CACNA1B: variants seen among roughly 807,000 people sequenced by gnomAD.
The protein encoded by CACNA1B is calcium voltage-gated channel subunit alpha1 B, also known as voltage-dependent N-type calcium channel subunit alpha-1B.
A neutral mutation model predicts 247.2 loss-of-function variants in CACNA1B; 70 were observed. The ratio of observed to expected loss-of-function variants is 0.28; its 90% CI spans 0.23 to 0.35. The LOEUF (loss-of-function observed/expected upper bound fraction) is 0.35, where lower values mean the gene tolerates loss of function less well. CACNA1B is among the 10% of genes least tolerant of loss of function. The probability of loss-of-function intolerance (pLI) is 1.00; values close to 1 mark genes in which losing one functional copy is unlikely to be tolerated. For missense variants in CACNA1B, 2,367 were observed against 3,197.4 expected, an observed-to-expected ratio of 0.74 and a Z score of 6.26; for synonymous variants, 1,231 against 1,294.4, an observed-to-expected ratio of 0.95 and a Z score of 1.05.
chr9:137,907,874 G>A (rs1957315264), intron 3 of CACNA1B, among the ~76,000 whole-genome samples: 1 of 152,140 alleles, frequency 6.6e-6, no homozygotes, highest in Non-Finnish European at 1.5e-5. Context: ...ATGTGTGAGT[G>A]ATGCTTCCTC....
At chr9:138,024,610 A>G (rs1958897374) in intron 19 of CACNA1B, among the ~76,000 whole-genome samples, 1 of 152,148 alleles carries the variant, frequency 6.6e-6, no homozygotes, top group East Asian at 1.9e-4. Flanking sequence ...GTTTTGGTTG[A>G]TAGGATTTTG....
chr9:138,104,029 G>C (rs1166594954), intron 38 of CACNA1B, among the ~76,000 whole-genome samples: 1 of 152,250 alleles, frequency 6.6e-6, no homozygotes, highest in Admixed American at 6.5e-5. Context: ...GGGGCAAGCA[G>C]GCAGGGCCAT....
chr9:137,903,658 A>G (rs1957265131), intron 3 of CACNA1B, among the ~76,000 whole-genome samples: 1 of 152,216 alleles, frequency 6.6e-6, no homozygotes, highest in Non-Finnish European at 1.5e-5. Context: ...GAATCTATAA[A>G]TTGATTTCAG....
At chr9:138,094,127 A>G (rs1564283213) in intron 36 of CACNA1B, among the ~76,000 whole-genome samples, 1 of 152,122 alleles carries the variant, frequency 6.6e-6, no homozygotes, top group Non-Finnish European at 1.5e-5. Flanking sequence ...TACAATGTGA[A>G]TAAACCTTGA....
Position 138,014,646 on chromosome 9 carries a change from T to C in CACNA1B, c.2267+1411T>C, listed in dbSNP as rs1958767358. Among the ~76,000 whole-genome samples the C allele has an allele frequency of 6.6e-6, 1 of 152,188 alleles. No individual in the cohort carries two copies. The highest frequency in any genetic ancestry group is 1.5e-5 in the Non-Finnish European group (1 of 68,038). The stretch of plus-strand genomic sequence containing the variant: ...CTCTGTGAGCTCTGCAGGTGGGTGG[T>C]CTGCAGTAGATGGGGCGAGTGGTGT... On this transcript the variant is annotated intron_variant, in intron 18 of 46. Coordinates refer to ENST00000371372, the MANE Select transcript of CACNA1B (RefSeq NM_000718.4). This position sits in a 1 kb window ranked among gnomAD's most constrained non-coding sequence, Gnocchi z 6.2.
chr9:137,982,405 C>T (rs1185055374), intron 12 of CACNA1B, among the ~76,000 whole-genome samples: 1 of 152,198 alleles, frequency 6.6e-6, no homozygotes, highest in Non-Finnish European at 1.5e-5. Flanking sequence ...TTAAGAGTTC[C>T]CAAGACAGAA....
chr9:137,968,234 G>A (rs575429564), intron 10 of CACNA1B, among the ~76,000 whole-genome samples: 4 of 152,260 alleles, frequency 2.6e-5, no homozygotes, highest in East Asian at 3.9e-4. Flanking sequence ...GGGAGGAGAC[G>A]AAGCCGTGCT....
intron 10 of CACNA1B, among the ~76,000 whole-genome samples, chr9:137,962,273 CT>C (rs917185463): frequency 8.8e-5 from 12 of 135,734 alleles, no homozygotes; most frequent in African/African-American, 3.0e-4. Context: ...TCTCTCTTCT[CT>C]TTTTTTTTAG....
intron 20 of CACNA1B, among the ~76,000 whole-genome samples, chr9:138,035,033 C>T (rs1054454929): frequency 6.6e-6 from 1 of 152,238 alleles, no homozygotes; most frequent in Non-Finnish European, 1.5e-5. Flanking sequence ...CATCATGGTA[C>T]TTAGAACAGC....
In CACNA1B at chr9:137,878,228, G is replaced by A. The variant is rs1302362427; in HGVS notation, c.284+11G>A. On this transcript the variant is annotated intron_variant, in intron 1 of 46. Coordinates refer to ENST00000371372, the MANE Select transcript of CACNA1B (RefSeq NM_000718.4). ...CATCACCGAGTGGCCATATCCTGCC[G>A]GGCGGGGCCGGGCGGGGCCGGGCGG... 1.2e-5 allele frequency: 14 copies of A among 1,172,598 alleles called. No homozygotes were observed. Among genetic ancestry groups the A allele is most frequent in the Admixed American group, 4.2e-5 (1 of 24,076 alleles). The allele number at this position is 1,172,598 out of a possible 1,614,324, so 72.6% of individuals were successfully genotyped here.
chr9:138,113,110 A>G (rs143223392), intron 40 of CACNA1B, among the ~76,000 whole-genome samples: 78 of 137,494 alleles, frequency 5.7e-4, no homozygotes, highest in African/African-American at 2.2e-3. Flanking sequence ...GAGGTGCCCA[A>G]CTCCATCTTG....
rs1018540779 is a variant in CACNA1B, at chr9:137,881,306, G to A, written c.391-1438G>A. On this transcript the variant is annotated intron_variant, in intron 2 of 46. Coordinates refer to ENST00000371372, the MANE Select transcript of CACNA1B (RefSeq NM_000718.4). This position sits in a 1 kb window ranked among gnomAD's most constrained non-coding sequence, Gnocchi z 4.3. Reference sequence around the variant, plus strand: ...CTTGGGTGCTGGTAGCTTCTACCAGGTACTGCCAGCCAAGCCTTGGGCCAG... The same window carrying A: ...CTTGGGTGCTGGTAGCTTCTACCAGATACTGCCAGCCAAGCCTTGGGCCAG... 1.3e-5 allele frequency among the ~76,000 whole-genome samples: 2 copies of A among 152,164 alleles called. No homozygotes were observed. Among genetic ancestry groups the A allele is most frequent in the Admixed American group, 6.5e-5 (1 of 15,278 alleles).
Position 137,882,968 on chromosome 9 carries a change from AGCTGCAGTCCCCTCACTGGGGTCCCC to A in CACNA1B, c.530+86_530+111del. ...CTCAGTTGCGCCGTGGAGCTGGGGC[AGCTGCAGTCCCCTCACTGGGGTCCCC>A]TCACAGCCCTGCTGGAGATGAACGA... On this transcript the variant is annotated intron_variant, in intron 3 of 46. Transcript: ENST00000371372. The surrounding 1 kb of genome is among the most constrained non-coding windows in gnomAD (Gnocchi z 4.0). 6.9e-7 allele frequency: 1 copy of A among 1,454,618 alleles called. No individual in the cohort carries two copies. Among genetic ancestry groups the A allele is most frequent in the Non-Finnish European group, 9.5e-7 (1 of 1,047,198 alleles). The allele number at this position is 1,454,618 out of a possible 1,614,324, so 90.1% of individuals were successfully genotyped here. A position where few individuals can be genotyped will look rare whatever the true frequency, so the allele number is the denominator to read the frequency against.
At chr9:137,932,898 CTTTAT>C (rs1159869869) in intron 6 of CACNA1B, among the ~76,000 whole-genome samples, 1 of 151,144 alleles carries the variant, frequency 6.6e-6, no homozygotes, top group African/African-American at 2.5e-5. Flanking sequence ...GCATTGATGA[CTTTAT>C]TTTATCTTTA....
chr9:138,026,125 C>T lies in CACNA1B; in HGVS notation c.3286+953C>T, dbSNP rs146726268. ...ATGTTTGCAGACAGATCTCCAGACACACACATGTGCATGACATTCTCTCTT... is the reference window on the plus strand; with the variant it reads ...ATGTTTGCAGACAGATCTCCAGACATACACATGTGCATGACATTCTCTCTT... On this transcript the variant is annotated intron_variant, in intron 20 of 46. Coordinates refer to ENST00000371372, the MANE Select transcript of CACNA1B (RefSeq NM_000718.4). 3.9e-5 allele frequency among the ~76,000 whole-genome samples: 6 copies of T among 152,356 alleles called. No homozygotes were observed. The East Asian group carries it at 1.2e-3, about 29-fold the overall frequency.
At chr9:138,008,406 G>T (rs1958681557) in intron 16 of CACNA1B, among the ~76,000 whole-genome samples, 1 of 152,234 alleles carries the variant, frequency 6.6e-6, no homozygotes, top group Admixed American at 6.5e-5. Flanking sequence ...CCTGCTTTCT[G>T]GGCATGGAAA....
Position 138,058,570 on chromosome 9 carries a change from G to A in CACNA1B, c.4310G>A (p.Arg1437Lys), listed in dbSNP as rs1959599419. 6.2e-6 allele frequency: 10 copies of A among 1,608,818 alleles called. No homozygotes were observed. The highest frequency in any genetic ancestry group is 8.5e-6 in the Non-Finnish European group (10 of 1,178,472). Residue 1437 changes from arginine to lysine, a missense_variant and splice_region_variant, in exon 29 of 47, where the codon AGG (arginine) becomes AAG (lysine). By Grantham distance (26) the Arg-to-Lys change is conservative. Around this residue, in one of 12 missense-constraint regions of CACNA1B, gnomAD observed 436 missense variants for 679.5 expected, o/e 0.64. Transcript: ENST00000371372. This position sits in a 1 kb window ranked among gnomAD's most constrained non-coding sequence, Gnocchi z 4.7. ...CTGTGCTCCTTTCTCCCCTTACAGAGGGCTTGCATTGACTTCGCCATCAGC... is the reference window on the plus strand; with the variant it reads ...CTGTGCTCCTTTCTCCCCTTACAGAAGGCTTGCATTGACTTCGCCATCAGC... ...MSECSLEKNE[R>K]ACIDFAISAK...
At chr9:137,934,460 C>T (rs908119665) in intron 6 of CACNA1B, among the ~76,000 whole-genome samples, 2 of 152,144 alleles carry the variant, frequency 1.3e-5, no homozygotes, top group African/African-American at 4.8e-5. Flanking sequence ...CTCGGATGGC[C>T]AGAGCAGCCT....
At chr9:138,112,007 T>C (rs1319851652) in intron 39 of CACNA1B, among the ~76,000 whole-genome samples, 4 of 152,050 alleles carry the variant, frequency 2.6e-5, no homozygotes, top group Non-Finnish European at 5.9e-5. Context: ...AGAAGGGAAG[T>C]TTTTGAGAGT....
Sources: gnomAD v4.1 joint callset for allele counts (sites outside exome capture counted in the v4.1 genomes callset) on GRCh38, gnomAD v4.1.1 for gene constraint, gnomAD v4.1.1 regional missense constraint, Gnocchi (gnomAD v3.1) non-coding constraint, MANE v1.5 for transcripts, NCBI Gene and HGNC (gene_info 2026-07-23, HGNC 2026-07-21) for gene names.